Variants in FGFR2 observed in about 807,000 individuals in gnomAD.
FGFR2 encodes fibroblast growth factor receptor 2, also known as BEK fibroblast growth factor receptor.
FGFR2 carries 19 observed loss-of-function variants against 95.9 expected under a neutral mutation model. That is an observed-to-expected ratio of 0.20 (90% CI 0.14 to 0.29). FGFR2 has a LOEUF of 0.29. FGFR2 is among the 10% of genes least tolerant of loss of function. The pLI, the probability that FGFR2 is intolerant of heterozygous loss-of-function variation, is 1.00. For synonymous variants in FGFR2, 392 were observed against 393.3 expected (o/e 1.00, Z 0.04); for missense variants, 707 against 1,056.9 (o/e 0.67, Z 4.59).
chr10:121,576,090 G>A (rs1175652977), intron 2 of FGFR2, among the ~76,000 whole-genome samples: 1 of 152,082 alleles, frequency 6.6e-6, no homozygotes, highest in East Asian at 1.9e-4. Context: ...AGGAGGGTGA[G>A]GCAGGAGAAT....
At position 121,485,285 on chromosome 10, in the gene FGFR2, T is replaced by C. The variant is rs1009535509; in HGVS notation, c.2195+110A>G. Reference sequence around the variant, plus strand: ...CCCAGAGAGCTTCAGCCATTCTTCTTAGAGCATGTTTAGGAAACCAGGGGC... The same window carrying C: ...CCCAGAGAGCTTCAGCCATTCTTCTCAGAGCATGTTTAGGAAACCAGGGGC... On this transcript the variant is annotated intron_variant, in intron 16 of 17. Coordinates refer to ENST00000358487, the MANE Select transcript of FGFR2 (RefSeq NM_000141.5). This position sits in a 1 kb window ranked among gnomAD's most constrained non-coding sequence, Gnocchi z 4.2. 2.8e-6 allele frequency: 4 copies of C among 1,453,650 alleles called. No homozygotes were observed. In the Admixed American group the frequency reaches 6.7e-5, roughly 24 times the overall value. 90.0% of individuals were successfully genotyped at this position (1,453,650 alleles called of 1,614,324 possible).
At chr10:121,555,936 C>T (rs1017178762) in intron 4 of FGFR2, among the ~76,000 whole-genome samples, 29 of 152,168 alleles carry the variant, frequency 1.9e-4, no homozygotes, top group Admixed American at 5.2e-4. Context: ...ACCCTAGAGC[C>T]AAGTTATTCT....
At chr10:121,509,493 T>C (rs894113055) in intron 9 of FGFR2, among the ~76,000 whole-genome samples, 12 of 107,574 alleles carry the variant, frequency 1.1e-4, no homozygotes, top group South Asian at 3.1e-4. Flanking sequence ...TTTTTTTTTT[T>C]TTTTTTTTTT....
intron 4 of FGFR2, among the ~76,000 whole-genome samples, chr10:121,557,604 G>GC (rs1428048524): frequency 1.3e-5 from 2 of 152,138 alleles, no homozygotes; most frequent in Admixed American, 1.3e-4. Flanking sequence ...TGCTATGCTG[G>GC]CCCAAACCAA....
intron 2 of FGFR2, among the ~76,000 whole-genome samples, chr10:121,582,121 C>T (rs377539140): frequency 6.6e-6 from 1 of 151,816 alleles, no homozygotes; most frequent in African/African-American, 2.4e-5. Context: ...TAGTAGAGAC[C>T]ACGTTTCACC....
intron 2 of FGFR2, among the ~76,000 whole-genome samples, chr10:121,590,110 C>T (rs1429336771): frequency 6.6e-6 from 1 of 152,112 alleles, no homozygotes; most frequent in Admixed American, 6.5e-5. Context: ...TCCAGGAGAG[C>T]ATCACCTCTC....
rs959485624 is a variant in FGFR2, at chr10:121,566,020, G to A, written c.110-316C>T. The A allele has an allele frequency of 1.3e-5, 6 of 465,452 alleles. No individual in the cohort carries two copies. The Admixed American group carries it at 1.4e-4, about 11-fold the overall frequency. The allele number at this position is 465,452 out of a possible 1,614,324, so 28.8% of individuals were successfully genotyped here. On this transcript the variant is annotated intron_variant, in intron 2 of 17. Transcript: ENST00000358487. ...TTAAATTGATTGCCAAAGCGTGCTTGCACTGTAATACCTGCAAAAATCTGT... is the reference window on the plus strand; with the variant it reads ...TTAAATTGATTGCCAAAGCGTGCTTACACTGTAATACCTGCAAAAATCTGT...
rs1189553288 is a variant in FGFR2, at chr10:121,574,340, C to T, written c.110-8636G>A. Among the ~76,000 whole-genome samples, 6 of 151,896 alleles carry T rather than the reference C, an allele frequency of 4.0e-5. No individual in the cohort carries two copies. The East Asian group carries it at 1.2e-3, about 29-fold the overall frequency. ...GGTCAGGAGTTCGAGACCGGCCTGG[C>T]CAACAAGACGAAACCCCGTCTCTAC... On this transcript the variant is annotated intron_variant, in intron 2 of 17. Transcript: ENST00000358487.
chr10:121,511,135 A>G (rs760916960), intron 9 of FGFR2, among the ~76,000 whole-genome samples: 1 of 151,892 alleles, frequency 6.6e-6, no homozygotes, highest in Non-Finnish European at 1.5e-5. Context: ...TTTTCAGCCT[A>G]CCTATATCAG....
chr10:121,482,593 A>G (rs539412364), intron 17 of FGFR2, among the ~76,000 whole-genome samples: 1 of 152,304 alleles, frequency 6.6e-6, no homozygotes, highest in Admixed American at 6.5e-5. Flanking sequence ...CATCCTCATT[A>G]AATATCTCAA....
chr10:121,503,338 T>C (rs1424374543), intron 10 of FGFR2, among the ~76,000 whole-genome samples: 1 of 152,244 alleles, frequency 6.6e-6, no homozygotes, highest in Non-Finnish European at 1.5e-5. Flanking sequence ...CAATATGACA[T>C]TAATAACCAA....
At chr10:121,492,476 A>G (rs1589740150) in intron 13 of FGFR2, among the ~76,000 whole-genome samples, 1 of 152,106 alleles carries the variant, frequency 6.6e-6, no homozygotes, top group South Asian at 2.1e-4. Flanking sequence ...GTTCATCTCA[A>G]TCGGCCCAGC....
intron 12 of FGFR2, among the ~76,000 whole-genome samples, chr10:121,497,912 T>C (rs1847091516): frequency 6.6e-6 from 1 of 152,206 alleles, no homozygotes; most frequent in South Asian, 2.1e-4. Flanking sequence ...CAAGAGAAAT[T>C]GCTAAGTCAA....
At chr10:121,486,240 A>G (rs1845384341) in intron 15 of FGFR2, among the ~76,000 whole-genome samples, 1 of 152,162 alleles carries the variant, frequency 6.6e-6, no homozygotes, top group South Asian at 2.1e-4. Context: ...TCTGTACTCG[A>G]TGGTGGTGTT....
chr10:121,591,360 G>A (rs1332808956), intron 2 of FGFR2, among the ~76,000 whole-genome samples: 1 of 152,232 alleles, frequency 6.6e-6, no homozygotes, highest in Non-Finnish European at 1.5e-5. Context: ...ACGGGACTGG[G>A]AAGACCCATG....
At chr10:121,550,733 C>T (rs1178411614) in intron 5 of FGFR2, among the ~76,000 whole-genome samples, 1 of 152,148 alleles carries the variant, frequency 6.6e-6, no homozygotes, top group African/African-American at 2.4e-5. Flanking sequence ...TCTCAACTTT[C>T]GACCCTTCTG....
chr10:121,498,624 T>C lies in FGFR2; in HGVS notation c.1562-19A>G, dbSNP rs377512238. The C allele has an allele frequency of 4.4e-6, 7 of 1,607,356 alleles. No individual in the cohort carries two copies. The highest frequency in any genetic ancestry group is 6.0e-6 in the Non-Finnish European group (7 of 1,173,800). ...GCATCATCTATGAACAGTAGGCATA[T>C]TCACAAATCAGTTCATTTCCTCTAA... On this transcript the variant is annotated intron_variant, in intron 11 of 17. Coordinates refer to ENST00000358487, the MANE Select transcript of FGFR2 (RefSeq NM_000141.5).
intron 3 of FGFR2, 111 bp from the exon 4 acceptor site, chr10:121,564,690 C>CG (rs1857426130): frequency 1.1e-6 from 1 of 897,958 alleles, no homozygotes; most frequent in Non-Finnish European, 1.8e-6. Flanking sequence ...CAGGAACCCT[C>CG]GCAAAGAGCC....
chr10:121,546,012 G>A (rs1854455105), intron 5 of FGFR2, among the ~76,000 whole-genome samples: 1 of 151,988 alleles, frequency 6.6e-6, no homozygotes, highest in East Asian at 1.9e-4. Flanking sequence ...ACTTCGAAGT[G>A]GCATAAAAGA....
Sources: allele counts gnomAD v4.1 joint callset (sites outside exome capture counted in the v4.1 genomes callset), GRCh38; gene constraint gnomAD v4.1.1; non-coding constraint Gnocchi (gnomAD v3.1); transcripts MANE v1.5; gene names NCBI Gene and HGNC (gene_info 2026-07-23, HGNC 2026-07-21).